Variants in CADM1 observed in about 807,000 individuals in gnomAD.
The protein encoded by CADM1 is TSLC-1.
A neutral mutation model predicts 53.1 loss-of-function variants in CADM1; 15 were observed. The ratio of observed to expected loss-of-function variants is 0.28; its 90% CI spans 0.19 to 0.44. The LOEUF (loss-of-function observed/expected upper bound fraction) is 0.44. Ranked by LOEUF, CADM1 falls within the 20% of genes least tolerant of loss-of-function variation. CADM1 has a pLI of 1.00. For synonymous variants in CADM1, 281 were observed against 243.0 expected, an observed-to-expected ratio of 1.16 and a Z score of -1.45; for missense variants, 434 against 611.3, an observed-to-expected ratio of 0.71 and a Z score of 3.06.
chr11:115,288,226 A>G (rs1455947060), intron 1 of CADM1, among the ~76,000 whole-genome samples: 1 of 152,202 alleles, frequency 6.6e-6, no homozygotes, highest in Non-Finnish European at 1.5e-5. Flanking sequence ...GATCAGGAGT[A>G]AGAGATGATG....
At chr11:115,317,621 G>A (rs969490826) in intron 1 of CADM1, among the ~76,000 whole-genome samples, 1 of 152,120 alleles carries the variant, frequency 6.6e-6, no homozygotes, top group Non-Finnish European at 1.5e-5. Flanking sequence ...ATCATCAACT[G>A]CAAAGGATAT....
chr11:115,290,231 G>A (rs1286910304), intron 1 of CADM1, among the ~76,000 whole-genome samples: 2 of 152,226 alleles, frequency 1.3e-5, no homozygotes, highest in African/African-American at 2.4e-5. Context: ...TGGCTCTGCA[G>A]TGTTGAGACA....
At chr11:115,241,346 A>ACAGAAGTATATGTTGTC (rs1469848482) in intron 1 of CADM1, among the ~76,000 whole-genome samples, 1 of 152,242 alleles carries the variant, frequency 6.6e-6, no homozygotes, top group Non-Finnish European at 1.5e-5. Context: ...AGTAGGGGAT[A>ACAGAAGTATATGTTGTC]CAGAAGTATA....
At chr11:115,409,896 G>A (rs1947416759) in intron 1 of CADM1, among the ~76,000 whole-genome samples, 1 of 152,198 alleles carries the variant, frequency 6.6e-6, no homozygotes, top group Admixed American at 6.5e-5. Flanking sequence ...GAGTGCACCA[G>A]ACAGAAGGGG....
intron 1 of CADM1, chr11:115,445,771 G>C (rs1477082761): frequency 2.2e-6 from 1 of 454,212 alleles, no homozygotes; most frequent in Non-Finnish European, 4.4e-6. Flanking sequence ...CTGAGCACGG[G>C]AAGGCCGAGG....
At chr11:115,187,291 T>C (rs559004432) in intron 10 of CADM1, among the ~76,000 whole-genome samples, 1 of 152,332 alleles carries the variant, frequency 6.6e-6, no homozygotes, top group Admixed American at 6.5e-5. Flanking sequence ...ACTGACAGTT[T>C]CTCACACACA....
At chr11:115,224,830 C>A (rs1941543058) in intron 5 of CADM1, among the ~76,000 whole-genome samples, 3 of 152,160 alleles carry the variant, frequency 2.0e-5, no homozygotes, top group Non-Finnish European at 4.4e-5. Context: ...GACAAGAGTA[C>A]ATTCCCTCAG....
At chr11:115,326,230 T>C (rs1412462061) in intron 1 of CADM1, among the ~76,000 whole-genome samples, 5 of 152,196 alleles carry the variant, frequency 3.3e-5, no homozygotes, top group Admixed American at 3.3e-4. Flanking sequence ...TAAATGCTTT[T>C]AAAGAAATCA....
In CADM1 at chr11:115,169,580, C is replaced by T. The variant is rs538189974; in HGVS notation, c.*6894G>A. On this transcript the variant is annotated 3_prime_UTR_variant, in exon 12 of 12. Transcript: ENST00000331581. The stretch of plus-strand genomic sequence containing the variant: ...CATGTTCCTAATTGCAACACTATAG[C>T]TGCCCTCATCACTTTATTCTGGGAG... 8.6e-4 allele frequency: 392 copies of T among 456,628 alleles called. 3 individuals carry two copies. Among genetic ancestry groups the T allele is most frequent in the South Asian group, 1.7e-3 (108 of 64,558 alleles). 28.3% of individuals were successfully genotyped at this position (456,628 alleles called of 1,614,324 possible). A position where few individuals can be genotyped will look rare whatever the true frequency, so the allele number is the denominator to read the frequency against.
At chr11:115,433,511 AC>A (rs1030304599) in intron 1 of CADM1, among the ~76,000 whole-genome samples, 29 of 152,274 alleles carry the variant, frequency 1.9e-4, no homozygotes, top group African/African-American at 6.0e-4. Context: ...CATGCCATAA[AC>A]CAATTTAATT....
At chr11:115,185,126 A>C (rs1939483810) in intron 10 of CADM1, among the ~76,000 whole-genome samples, 1 of 152,190 alleles carries the variant, frequency 6.6e-6, no homozygotes, top group African/African-American at 2.4e-5. Context: ...CCTGAGCCAA[A>C]TGAAAGTGCC....
intron 1 of CADM1, among the ~76,000 whole-genome samples, chr11:115,448,754 CT>C (rs1369560658): frequency 1.3e-5 from 2 of 152,086 alleles, no homozygotes; most frequent in African/African-American, 4.8e-5. Context: ...GTATTTCCTC[CT>C]CTTGCAAATG....
chr11:115,417,732 C>A (rs1249854443), intron 1 of CADM1, among the ~76,000 whole-genome samples: 1 of 152,032 alleles, frequency 6.6e-6, no homozygotes, highest in Non-Finnish European at 1.5e-5. Flanking sequence ...GAACAGCGAG[C>A]CATTTAAAAT....
intron 1 of CADM1, among the ~76,000 whole-genome samples, chr11:115,395,507 G>A (rs1946973246): frequency 6.6e-6 from 1 of 152,168 alleles, no homozygotes; most frequent in African/African-American, 2.4e-5. Flanking sequence ...GCTGACATGA[G>A]TTTCTACAGC....
chr11:115,378,728 T>C (rs1005210463), intron 1 of CADM1, among the ~76,000 whole-genome samples: 3 of 152,148 alleles, frequency 2.0e-5, no homozygotes, highest in Non-Finnish European at 1.5e-5. Context: ...TGTCCATAAA[T>C]AAAGTTTTAT....
At chr11:115,285,736 C>A (rs1943712619) in intron 1 of CADM1, among the ~76,000 whole-genome samples, 1 of 152,002 alleles carries the variant, frequency 6.6e-6, no homozygotes, top group African/African-American at 2.4e-5. Flanking sequence ...AGCACACAGG[C>A]AGCTGGGGTT....
At chr11:115,259,517 G>A (rs1942903892) in intron 1 of CADM1, among the ~76,000 whole-genome samples, 1 of 151,974 alleles carries the variant, frequency 6.6e-6, no homozygotes, top group South Asian at 2.1e-4. Flanking sequence ...TGTTGGCCAG[G>A]CTGGTCTCAA....
chr11:115,249,658 C>G (rs1942525879), intron 1 of CADM1, among the ~76,000 whole-genome samples: 1 of 152,166 alleles, frequency 6.6e-6, no homozygotes, highest in South Asian at 2.1e-4. Flanking sequence ...ACTTAGATTT[C>G]TCTTTTACCC....
chr11:115,225,313 AG>A (rs34306219), intron 5 of CADM1, among the ~76,000 whole-genome samples: 1,850 of 149,024 alleles, frequency 0.012, 8 homozygotes, highest in Middle Eastern at 0.021. Flanking sequence ...ATAATAAAAA[AG>A]GGGGGGGGAC....
Sources: gnomAD v4.1 joint callset for allele counts (sites outside exome capture counted in the v4.1 genomes callset) on GRCh38, gnomAD v4.1.1 for gene constraint, MANE v1.5 for transcripts, NCBI Gene and HGNC (gene_info 2026-07-23, HGNC 2026-07-21) for gene names.